Variants in LOC400499 observed in about 807,000 individuals in gnomAD.
At chr16:11,485,090 C>T in the LOC400499 span, 21 of 398,870 alleles carry the variant, frequency 5.3e-5, no homozygotes, top group Admixed American at 6.2e-4. Flanking sequence ...AGGGAAGCCA[C>T]AGGCTCAGGG....
the LOC400499 span, chr16:11,502,029 G>A: frequency 2.5e-6 from 1 of 398,672 alleles, no homozygotes; most frequent in African/African-American, 2.1e-5. Context: ...ACCCAGGGAT[G>A]CCCCCAGCCA....
the LOC400499 span, chr16:11,491,819 T>A: frequency 2.5e-6 from 1 of 398,806 alleles, no homozygotes; most frequent in Non-Finnish European, 4.4e-6. Flanking sequence ...CCTCCAGGGA[T>A]TGGTATAGAC....
the LOC400499 span, among the ~76,000 whole-genome samples, chr16:11,375,077 G>T: frequency 6.6e-6 from 1 of 150,696 alleles, no homozygotes; most frequent in African/African-American, 2.4e-5. Context: ...TGAACTCCTG[G>T]CCTCAAGTGA....
At chr16:11,381,643 T>C in the LOC400499 span, among the ~76,000 whole-genome samples, 239 of 152,356 alleles carry the variant, frequency 1.6e-3, 1 homozygote, top group African/African-American at 5.4e-3. Context: ...GTGTCATTCA[T>C]GGTAAAGATA....
At chr16:11,496,078 T>TA in the LOC400499 span, among the ~76,000 whole-genome samples, 1 of 151,546 alleles carries the variant, frequency 6.6e-6, no homozygotes, top group Non-Finnish European at 1.5e-5. Flanking sequence ...TTTTTTTTTT[T>TA]TTCTCGAGAT....
At chr16:11,445,422 A>G in the LOC400499 span, among the ~76,000 whole-genome samples, 3 of 143,130 alleles carry the variant, frequency 2.1e-5, no homozygotes, top group Non-Finnish European at 4.6e-5. Flanking sequence ...CTCTTTCTCC[A>G]AAAAAAAAAA....
the LOC400499 span, among the ~76,000 whole-genome samples, chr16:11,489,706 C>G: frequency 6.6e-6 from 1 of 152,202 alleles, no homozygotes; most frequent in African/African-American, 2.4e-5. Flanking sequence ...AGCCCCTCAG[C>G]TGATCCCCTG....
chr16:11,426,787 G>A, the LOC400499 span, among the ~76,000 whole-genome samples: 3 of 150,528 alleles, frequency 2.0e-5, no homozygotes, highest in African/African-American at 7.3e-5. Context: ...TCTGGGCATG[G>A]TGGCAGGTAC....
At chr16:11,377,004 T>A in the LOC400499 span, among the ~76,000 whole-genome samples, 4 of 151,674 alleles carry the variant, frequency 2.6e-5, no homozygotes, top group Non-Finnish European at 5.9e-5. Context: ...CAGTGGCTAT[T>A]CACAGGCATA....
chr16:11,442,201 A>G, the LOC400499 span: 1 of 152,160 alleles, frequency 6.6e-6, no homozygotes, highest in African/African-American at 2.4e-5. Flanking sequence ...ATGTCATTAA[A>G]CAGCTTATTT....
At chr16:11,378,251 C>CTT in the LOC400499 span, among the ~76,000 whole-genome samples, 36 of 65,222 alleles carry the variant, frequency 5.5e-4, no homozygotes, top group Admixed American at 1.2e-3. Context: ...CTTTTTTTTT[C>CTT]TTTTTTTTTT....
the LOC400499 span, among the ~76,000 whole-genome samples, chr16:11,374,989 C>T: frequency 6.6e-6 from 1 of 152,076 alleles, no homozygotes; most frequent in Non-Finnish European, 1.5e-5. Flanking sequence ...GCTGGGATTA[C>T]AGGCCTGCAC....
chr16:11,485,443 G>A, the LOC400499 span, among the ~76,000 whole-genome samples: 1 of 152,114 alleles, frequency 6.6e-6, no homozygotes, highest in Admixed American at 6.5e-5. Context: ...TGAGGGCAAG[G>A]GCTCGTGTAT....
At chr16:11,480,285 G>C in the LOC400499 span, among the ~76,000 whole-genome samples, 3 of 152,262 alleles carry the variant, frequency 2.0e-5, no homozygotes, top group South Asian at 6.2e-4. Flanking sequence ...TATATCTAGC[G>C]GACCTCCCTC....
chr16:11,515,802 A>AAATGGGAGGAGGAGGATGC, the LOC400499 span: 1 of 402,698 alleles, frequency 2.5e-6, no homozygotes, highest in Non-Finnish European at 4.4e-6. Context: ...GAGGAGGAGG[A>AAATGGGAGGAGGAGGATGC]AGAGGAAGAA....
chr16:11,426,714 A>C, the LOC400499 span, among the ~76,000 whole-genome samples: 1 of 151,616 alleles, frequency 6.6e-6, no homozygotes, highest in Non-Finnish European at 1.5e-5. Context: ...GGATTGTTTA[A>C]GCTCAGGCAT....
At chr16:11,405,142 C>T in the LOC400499 span, among the ~76,000 whole-genome samples, 1 of 152,156 alleles carries the variant, frequency 6.6e-6, no homozygotes, top group Non-Finnish European at 1.5e-5. Flanking sequence ...TGGCTCTGGG[C>T]ATTTTTCAAC....
the LOC400499 span, among the ~76,000 whole-genome samples, chr16:11,502,794 T>C: frequency 6.6e-6 from 1 of 151,790 alleles, no homozygotes; most frequent in Non-Finnish European, 1.5e-5. Flanking sequence ...TTTTGTATTT[T>C]TAGTAGAGAA....
chr16:11,512,952 G>T, the LOC400499 span, among the ~76,000 whole-genome samples: 1 of 152,152 alleles, frequency 6.6e-6, no homozygotes, highest in African/African-American at 2.4e-5. Context: ...CCCCCAGGGG[G>T]TGCCGGGAGC....
Sources: allele counts gnomAD v4.1 joint callset (sites outside exome capture counted in the v4.1 genomes callset), GRCh38; gene constraint gnomAD v4.1.1; transcripts MANE v1.5.